The following MELTF variants were observed in gnomAD, a reference collection of about 807,000 sequenced individuals.
MELTF encodes the protein melanotransferrin.
A neutral mutation model predicts 83.7 loss-of-function variants in MELTF; 67 were observed. The ratio of observed to expected loss-of-function variants is 0.80; its 90% CI spans 0.66 to 0.98. The LOEUF (loss-of-function observed/expected upper bound fraction) is 0.98. MELTF is among the 50% of genes least tolerant of loss of function. The pLI, the probability that MELTF is intolerant of heterozygous loss-of-function variation, is 0.00. For synonymous variants in MELTF, 462 were observed against 447.6 expected (o/e 1.03, Z -0.41); for missense variants, 1,002 against 1,035.6 (o/e 0.97, Z 0.44).
chr3:197,021,595 G>A (rs1719626063), intron 5 of MELTF, 124 bp from the exon 6 acceptor site: 4 of 851,196 alleles, frequency 4.7e-6, no homozygotes, highest in Non-Finnish European at 5.6e-6. Context: ...CAGTTGTGTG[G>A]TCTGGGTTCC....
rs1407055377 is a variant in MELTF, at chr3:197,029,633, G to A, written c.49+21C>T. 1.6e-6 allele frequency: 2 copies of A among 1,242,362 alleles called. No individual in the cohort carries two copies. The highest frequency in any genetic ancestry group is 1.0e-6 in the Non-Finnish European group (1 of 994,100). 77.0% of individuals were successfully genotyped at this position (1,242,362 alleles called of 1,614,324 possible). On this transcript the variant is annotated intron_variant, in intron 1 of 15. Transcript: ENST00000296350. The surrounding 1 kb of genome is among the most constrained non-coding windows in gnomAD (Gnocchi z 6.5). ...GCCCCGGGACCCCCGCCCGCCTTTG[G>A]CTCTCACAGCGGGGCCTCACCGGTG...
At chr3:197,014,859 A>G (rs1188716161) in intron 9 of MELTF, among the ~76,000 whole-genome samples, 1 of 152,346 alleles carries the variant, frequency 6.6e-6, no homozygotes, top group East Asian at 1.9e-4. Flanking sequence ...TCTGATCACC[A>G]TGTATTCTAT....
intron 10 of MELTF, 58 bp from the exon 11 acceptor site, chr3:197,009,870 T>C: frequency 1.4e-6 from 2 of 1,476,464 alleles, no homozygotes; most frequent in Non-Finnish European, 1.9e-6. Flanking sequence ...GGCAAGTGCC[T>C]GGGGGGGTCC....
rs1309184842 is a variant in MELTF at position 197,010,554 on chromosome 3, GA to G, written c.1330+143del. On this transcript the variant is annotated intron_variant, in intron 10 of 15. Coordinates refer to ENST00000296350, the MANE Select transcript of MELTF (RefSeq NM_005929.6). The stretch of plus-strand genomic sequence containing the variant: ...TTGGGGAAACTGAGGCCTGGGGCAG[GA>G]GGGGCAGGCCTGGTGACAGGCAGCC... The G allele has an allele frequency of 2.7e-4, 183 of 665,670 alleles. 3 individuals are homozygous for G. The South Asian group carries it at 3.3e-3, about 12-fold the overall frequency. The allele number at this position is 665,670 out of a possible 1,614,324, so 41.2% of individuals were successfully genotyped here.
intron 14 of MELTF, chr3:197,004,437 A>AC: frequency 1.6e-5 from 6 of 377,054 alleles, no homozygotes; most frequent in South Asian, 4.9e-5. Flanking sequence ...GCGTTCTGCT[A>AC]GGCCTGCTGA....
At chr3:197,026,386 C>A (rs1196423611) in intron 3 of MELTF, 1 of 454,150 alleles carries the variant, frequency 2.2e-6, no homozygotes, top group East Asian at 3.6e-5. Flanking sequence ...CCACGCCAGG[C>A]CCGGGACAGC....
In MELTF at chr3:197,017,103, C is replaced by T. The variant is rs1185752227; in HGVS notation, c.900G>A (p.Gln300=). Residue 300 remains glutamine, a splice_region_variant and synonymous_variant, in exon 7 of 16, where the codon CAG becomes CAA. Coordinates refer to ENST00000296350, the MANE Select transcript of MELTF (RefSeq NM_005929.6). ...GGTGGTTGGGGGACCCTGAGCCCAC[C>T]TGGCCTTCGTTGAGCAGCCGGAAGA... The part of the protein sequence containing the change: ...GLIFRLLNEG[Q]RLFSHEGSSF... 3 of 1,611,154 alleles carry T rather than the reference C, an allele frequency of 1.9e-6. No homozygotes were observed. Among genetic ancestry groups the T allele is most frequent in the Non-Finnish European group, 1.7e-6 (2 of 1,179,364 alleles).
rs770739050 is a variant in MELTF, at chr3:197,016,176, C to G, written c.1081+13G>C. 3 of 1,507,368 alleles carry G rather than the reference C, an allele frequency of 2.0e-6. No homozygotes were observed. The highest frequency in any genetic ancestry group is 2.0e-5 in the Admixed American group (1 of 48,994). The allele number at this position is 1,507,368 out of a possible 1,614,324, so 93.4% of individuals were successfully genotyped here. A position where few individuals can be genotyped will look rare whatever the true frequency, so the allele number is the denominator to read the frequency against. On this transcript the variant is annotated intron_variant, in intron 8 of 15. Coordinates refer to ENST00000296350, the MANE Select transcript of MELTF (RefSeq NM_005929.6). ...GGGCTGGAGCTGGCAGCAGTGGGGA[C>G]AGGTGGACTTACGGTTGGGGTCACA...
rs1311935328 is a variant in MELTF at position 197,009,629 on chromosome 3, T to C, written c.1514A>G (p.Asp505Gly). The C allele has an allele frequency of 6.2e-7, 1 of 1,608,920 alleles. No homozygotes were observed. The highest frequency in any genetic ancestry group is 8.5e-7 in the Non-Finnish European group (1 of 1,175,878). Residue 505 changes from aspartate to glycine, a missense_variant, in exon 11 of 16, where the codon GAC becomes GGC. Physicochemically the swap from Asp to Gly is moderately conservative, Grantham distance 94 (BLOSUM62 -1). Coordinates refer to ENST00000296350, the MANE Select transcript of MELTF (RefSeq NM_005929.6). ...QRGFIRPKDC[D>G]VLTAVSEFFN... ...AAAGGGGGGGGTACCTGTGAGGACG[T>C]CACAGTCCTTGGGCCGGATGAAGCC... is the stretch of plus-strand genomic sequence containing the variant.
Position 197,003,399 on chromosome 3 carries a change from GGCGAGGGCGGGCA to G in MELTF, c.2177_2189del (p.Leu726ProfsTer66). ...AGAGGGCGGGCGGGAGCAGGCGGGC[GGCGAGGGCGGGCA>G]GCAGCAGCGGGAGCAGGGGCGCCCC... On this transcript the variant is annotated frameshift_variant, in exon 16 of 16. Coordinates refer to ENST00000296350, the MANE Select transcript of MELTF (RefSeq NM_005929.6). LOFTEE classifies it high-confidence loss of function. This position sits in a 1 kb window ranked among gnomAD's most constrained non-coding sequence, Gnocchi z 6.2. 9.1e-7 allele frequency: 1 copy of G among 1,099,186 alleles called. No homozygotes were observed. The highest frequency in any genetic ancestry group is 1.1e-6 in the Non-Finnish European group (1 of 903,886). 68.1% of individuals were successfully genotyped at this position (1,099,186 alleles called of 1,614,324 possible).
intron 6 of MELTF, among the ~76,000 whole-genome samples, chr3:197,017,855 C>T (rs566907586): frequency 8.6e-5 from 13 of 151,970 alleles, no homozygotes; most frequent in South Asian, 8.3e-4. Context: ...CCAGCCTGGG[C>T]GACAGAGCGA....
chr3:197,015,874 G>A (rs540711002), intron 8 of MELTF, among the ~76,000 whole-genome samples: 2 of 152,188 alleles, frequency 1.3e-5, no homozygotes, highest in African/African-American at 2.4e-5. Context: ...CGGGGAGTAG[G>A]AGCGAGAGGC....
chr3:197,024,238 C>G lies in MELTF; in HGVS notation c.487+65G>C, dbSNP rs370049278. 1.5e-4 allele frequency: 224 copies of G among 1,482,922 alleles called. No individual in the cohort carries two copies. The highest frequency in any genetic ancestry group is 1.8e-4 in the Non-Finnish European group (199 of 1,104,072). 91.9% of individuals were successfully genotyped at this position (1,482,922 alleles called of 1,614,324 possible). The stretch of plus-strand genomic sequence containing the variant: ...GGAGGGAGGCTACCCAGTGAAGGGA[C>G]GAGCATGGGCCAAGGAAAGGAGGGG... On this transcript the variant is annotated intron_variant, in intron 4 of 15. Coordinates refer to ENST00000296350, the MANE Select transcript of MELTF (RefSeq NM_005929.6). The surrounding 1 kb of genome is among the most constrained non-coding windows in gnomAD (Gnocchi z 5.3).
In MELTF at chr3:197,011,259, G is replaced by T. The variant is rs1407953015; in HGVS notation, c.1234-465C>A. Among the ~76,000 whole-genome samples, 2 of 152,226 alleles carry T rather than the reference G, an allele frequency of 1.3e-5. No homozygotes were observed. Among genetic ancestry groups the T allele is most frequent in the Non-Finnish European group, 2.9e-5 (2 of 68,032 alleles). On this transcript the variant is annotated intron_variant, in intron 9 of 15. Transcript: ENST00000296350. This position sits in a 1 kb window ranked among gnomAD's most constrained non-coding sequence, Gnocchi z 4.2. Reference sequence around the variant, plus strand: ...AATGACCGGATCTGAAACGATGGCAGTCTCAGGGCCTGGGGAGGAGGCTTC... The same window carrying T: ...AATGACCGGATCTGAAACGATGGCATTCTCAGGGCCTGGGGAGGAGGCTTC...
intron 9 of MELTF, among the ~76,000 whole-genome samples, chr3:197,012,423 G>A (rs1164645258): frequency 6.6e-6 from 1 of 152,228 alleles, no homozygotes; most frequent in Non-Finnish European, 1.5e-5. Flanking sequence ...TGGGGCATAC[G>A]GGGAGTGTCA....
rs568030746 is a variant in MELTF at position 197,027,770 on chromosome 3, C to T, written c.190G>A (p.Val64Ile). 2.0e-4 allele frequency: 329 copies of T among 1,610,168 alleles called. 3 individuals carry two copies. In the South Asian group the frequency reaches 2.6e-3, roughly 13 times the overall value. ...AGAGGACTCACCGCGATGAGCTGGA[C>T]GCAGTGGTCGGCGGAGGTGCCCCGG... ...CVRGTSADHC[V>I]QLIAAQEADA... Residue 64 changes from valine to isoleucine, a missense_variant, in exon 2 of 16, where the codon GTC (valine) becomes ATC (isoleucine). By Grantham distance (29) the Val-to-Ile change is conservative. Coordinates refer to ENST00000296350, the MANE Select transcript of MELTF (RefSeq NM_005929.6).
Position 197,015,392 on chromosome 3 carries a change from G to A in MELTF, c.1206C>T (p.Ser402=). 6.3e-7 allele frequency: 1 copy of A among 1,576,120 alleles called. No homozygotes were observed. Among genetic ancestry groups the A allele is most frequent in the Non-Finnish European group, 8.6e-7 (1 of 1,161,380 alleles). The part of the protein sequence containing the change: ...KPEIQCVSAK[S]PQHCMERIQA... The stretch of plus-strand genomic sequence containing the variant: ...GGATCCGCTCCATGCAGTGTTGGGG[G>A]GACTTGGCTGACACGCACTGGATCT... Residue 402 remains serine, a synonymous_variant, in exon 9 of 16, where the codon TCC becomes TCT. Transcript: ENST00000296350.
At chr3:197,028,028 G>A in intron 1 of MELTF, 118 bp from the exon 2 acceptor site, 1 of 1,235,172 alleles carries the variant, frequency 8.1e-7, no homozygotes, top group Non-Finnish European at 1.1e-6. Context: ...AGTCCTCTAG[G>A]GCAGCCCTGC....
Position 197,022,743 on chromosome 3 carries a change from G to A in MELTF, c.644+214C>T, listed in dbSNP as rs1385097885. The stretch of plus-strand genomic sequence containing the variant: ...TCACCTCACTAAATATACCAAACAC[G>A]TTGATTTCATGAGCAAATCCGGTTT... On this transcript the variant is annotated intron_variant, in intron 5 of 15. Transcript: ENST00000296350. The surrounding 1 kb of genome is among the most constrained non-coding windows in gnomAD (Gnocchi z 5.1). Among the ~76,000 whole-genome samples the A allele has an allele frequency of 1.3e-5, 2 of 152,116 alleles. No individual in the cohort carries two copies. Among genetic ancestry groups the A allele is most frequent in the African/African-American group, 2.4e-5 (1 of 41,422 alleles).
Sources: allele counts gnomAD v4.1 joint callset (sites outside exome capture counted in the v4.1 genomes callset), GRCh38; gene constraint gnomAD v4.1.1; non-coding constraint Gnocchi (gnomAD v3.1); transcripts MANE v1.5; gene names NCBI Gene and HGNC (gene_info 2026-07-23, HGNC 2026-07-21).